Variants in HSPA12A observed in about 807,000 individuals in gnomAD.
The protein encoded by HSPA12A is heat shock 70 kDa protein 12A.
In HSPA12A, 28 loss-of-function variants were observed where a neutral mutation model predicts 69.2. The observed-to-expected ratio is 0.40, with a 90% confidence interval of 0.30 to 0.55. The LOEUF (loss-of-function observed/expected upper bound fraction) is 0.55, where lower values mean the gene tolerates loss of function less well. HSPA12A is among the 20% of genes least tolerant of loss of function. The probability of loss-of-function intolerance (pLI) is 0.38; values close to 1 mark genes in which losing one functional copy is unlikely to be tolerated. For synonymous variants in HSPA12A, 345 were observed against 370.5 expected (o/e 0.93, Z 0.79); for missense variants, 686 against 900.7 (o/e 0.76, Z 3.05).
chr10:116,846,293 A>AT (rs1256374842), intron 1 of HSPA12A, among the ~76,000 whole-genome samples: 3 of 147,592 alleles, frequency 2.0e-5, no homozygotes, highest in Non-Finnish European at 4.5e-5. Flanking sequence ...TAACTGTAAC[A>AT]TTCTTCCCTC....
chr10:116,705,959 A>G (rs1300104198), intron 2 of HSPA12A, among the ~76,000 whole-genome samples: 3 of 137,660 alleles, frequency 2.2e-5, no homozygotes, highest in Non-Finnish European at 4.5e-5. Flanking sequence ...GCAGTGGCCC[A>G]ATCTCGGCTC....
intron 2 of HSPA12A, among the ~76,000 whole-genome samples, chr10:116,815,230 T>C (rs1462078765): frequency 7.8e-6 from 1 of 128,726 alleles, no homozygotes; most frequent in Non-Finnish European, 1.5e-5. Flanking sequence ...GGATATCCTC[T>C]GCCTCAGATC....
chr10:116,770,663 A>G (rs902684347), intron 2 of HSPA12A, among the ~76,000 whole-genome samples: 9 of 152,108 alleles, frequency 5.9e-5, no homozygotes, highest in Non-Finnish European at 1.2e-4. Context: ...TCTGCTCTTC[A>G]TAAAGGTCCA....
At chr10:116,786,227 C>G (rs1304611235) in intron 2 of HSPA12A, among the ~76,000 whole-genome samples, 2 of 152,210 alleles carry the variant, frequency 1.3e-5, no homozygotes, top group African/African-American at 4.8e-5. Flanking sequence ...GTGGTAAATA[C>G]TTCTTAAAAT....
chr10:116,796,163 A>AAAAAAAAAAAAAAAAAAAG (rs1414051045), intron 2 of HSPA12A, among the ~76,000 whole-genome samples: 5 of 138,886 alleles, frequency 3.6e-5, no homozygotes, highest in African/African-American at 9.4e-5. Context: ...AAAAAAAAAA[A>AAAAAAAAAAAAAAAAAAAG]AAAGAAAGAA....
chr10:116,712,368 A>G (rs1850461081), intron 1 of HSPA12A, among the ~76,000 whole-genome samples: 1 of 152,218 alleles, frequency 6.6e-6, no homozygotes, highest in Non-Finnish European at 1.5e-5. Flanking sequence ...CAAATAAATA[A>G]AAGTATCAAA....
At chr10:116,790,910 C>T (rs1205060844) in intron 2 of HSPA12A, among the ~76,000 whole-genome samples, 7 of 152,120 alleles carry the variant, frequency 4.6e-5, no homozygotes, top group Admixed American at 2.0e-4. Flanking sequence ...ATGCTGGTCT[C>T]GAACTCCTGA....
chr10:116,678,011 A>G (rs1849288738), intron 10 of HSPA12A, among the ~76,000 whole-genome samples: 1 of 151,782 alleles, frequency 6.6e-6, no homozygotes, highest in South Asian at 2.1e-4. Flanking sequence ...TCATAAATGG[A>G]GGTTGAAACC....
rs183839526 is a variant in HSPA12A at position 116,794,890 on chromosome 10, G to T, written c.91+40045C>A. Among the ~76,000 whole-genome samples the T allele has an allele frequency of 1.1e-3, 167 of 151,830 alleles. 1 individual carries two copies. The highest frequency in any genetic ancestry group is 4.0e-3 in the African/African-American group (166 of 41,386). On this transcript the variant is annotated intron_variant, in intron 2 of 12. Transcript: ENST00000635765. ...GAAATACATTTTTAAATAACCCTTT[G>T]GTCAAAGAAGAAATCAAAATCAGAA...
At chr10:116,689,857 C>T (rs1021565411) in intron 6 of HSPA12A, among the ~76,000 whole-genome samples, 1 of 151,900 alleles carries the variant, frequency 6.6e-6, no homozygotes, top group Non-Finnish European at 1.5e-5. Flanking sequence ...GAGGAACTCC[C>T]GCTTACTCGG....
At chr10:116,699,867 A>G (rs1311866728) in intron 4 of HSPA12A, among the ~76,000 whole-genome samples, 3 of 152,370 alleles carry the variant, frequency 2.0e-5, no homozygotes, top group Admixed American at 2.0e-4. Flanking sequence ...ATAGAAGGAC[A>G]ACCACGCCGA....
upstream of HSPA12A, among the ~76,000 whole-genome samples, chr10:116,745,653 A>G (rs1851631664): frequency 6.6e-6 from 1 of 152,164 alleles, no homozygotes; most frequent in Non-Finnish European, 1.5e-5. Context: ...CCAAAGAGCC[A>G]GTGCCTCCAC....
intron 2 of HSPA12A, among the ~76,000 whole-genome samples, chr10:116,789,452 T>C (rs1564820399): frequency 6.6e-6 from 1 of 152,198 alleles, no homozygotes; most frequent in Non-Finnish European, 1.5e-5. Context: ...TTGTAGCTTT[T>C]ACTTTCTCTC....
rs1327648896 is a variant in HSPA12A at position 116,671,556 on chromosome 10, C to A, written c.*3225G>T. On this transcript the variant is annotated 3_prime_UTR_variant, in exon 12 of 12. Coordinates refer to ENST00000369209, the MANE Select transcript of HSPA12A (RefSeq NM_025015.3). ...TTGCTACCCTGGCAATTAACCAGAC[C>A]TGGACTCTAAAAGCTAAACTTGGTC... 1 of 152,584 alleles carries A rather than the reference C, an allele frequency of 6.6e-6. No homozygotes were observed. Among genetic ancestry groups the A allele is most frequent in the Non-Finnish European group, 1.5e-5 (1 of 68,044 alleles). The allele number at this position is 152,584 out of a possible 1,614,324, so 9.5% of individuals were successfully genotyped here. A position where few individuals can be genotyped will look rare whatever the true frequency, so the allele number is the denominator to read the frequency against.
In HSPA12A at chr10:116,692,444, C is replaced by T. The variant is rs781987999; in HGVS notation, c.570G>A (p.Ser190=). Reference sequence around the variant, plus strand: ...ATCTGACATCAGAGTTCTCGAACTCCGAACCCGCCTGGTCACTCAGCTCCT... The same window carrying T: ...ATCTGACATCAGAGTTCTCGAACTCTGAACCCGCCTGGTCACTCAGCTCCT... ...ALKELSDQAG[S]EFENSDVRWV... Residue 190 remains serine, a synonymous_variant, in exon 6 of 12, where the codon TCG becomes TCA. Coordinates refer to ENST00000369209, the MANE Select transcript of HSPA12A (RefSeq NM_025015.3). 43 of 1,613,836 alleles carry T rather than the reference C, an allele frequency of 2.7e-5. No individual in the cohort carries two copies. The highest frequency in any genetic ancestry group is 3.2e-5 in the Non-Finnish European group (38 of 1,179,910).
chr10:116,676,593 C>T, intron 10 of HSPA12A, 91 bp from the exon 11 acceptor site: 1 of 1,013,612 alleles, frequency 9.9e-7, no homozygotes, highest in South Asian at 1.4e-5. Context: ...GGCAGAACAT[C>T]TGTCACTTCT....
chr10:116,697,824 T>C (rs1001824842), intron 5 of HSPA12A, among the ~76,000 whole-genome samples: 13 of 151,158 alleles, frequency 8.6e-5, no homozygotes, highest in Non-Finnish European at 1.9e-4. Context: ...CCTTCAGCAG[T>C]CGCTCCTATT....
chr10:116,829,656 G>A (rs536149581), intron 2 of HSPA12A: 2 of 152,266 alleles, frequency 1.3e-5, no homozygotes, highest in South Asian at 4.1e-4. Flanking sequence ...TCTAGAATCT[G>A]ATTTTAAAAC....
At chr10:116,766,968 G>A (rs1031873187) in intron 2 of HSPA12A, among the ~76,000 whole-genome samples, 5 of 152,198 alleles carry the variant, frequency 3.3e-5, no homozygotes, top group African/African-American at 7.2e-5. Context: ...AGCCCATCGC[G>A]GAGGGGAAGT....
Sources: allele counts gnomAD v4.1 joint callset (sites outside exome capture counted in the v4.1 genomes callset), GRCh38; gene constraint gnomAD v4.1.1; transcripts MANE v1.5; gene names NCBI Gene and HGNC (gene_info 2026-07-23, HGNC 2026-07-21).